The following PCDH9 variants were observed in gnomAD, a reference collection of about 807,000 sequenced individuals.
PCDH9 encodes protocadherin-9.
A neutral mutation model predicts 70.6 loss-of-function variants in PCDH9; 24 were observed. The ratio of observed to expected loss-of-function variants is 0.34; its 90% CI spans 0.25 to 0.48. PCDH9 has a LOEUF of 0.48. Ranked by LOEUF, PCDH9 falls within the 20% of genes least tolerant of loss-of-function variation. PCDH9 has a pLI of 0.99. For synonymous variants in PCDH9, 562 were observed against 558.5 expected (o/e 1.01, Z -0.09); for missense variants, 1,281 against 1,503.6 (o/e 0.85, Z 2.45).
chr13:66,895,159 T>A (rs1284995419), intron 3 of PCDH9, among the ~76,000 whole-genome samples: 1 of 152,168 alleles, frequency 6.6e-6, no homozygotes, highest in Non-Finnish European at 1.5e-5. Context: ...ATTTTGAAAT[T>A]AGAATAGGTA....
At chr13:66,345,974 A>G (rs1956206947) in intron 4 of PCDH9, among the ~76,000 whole-genome samples, 1 of 152,200 alleles carries the variant, frequency 6.6e-6, no homozygotes. Flanking sequence ...ATAAAACAGG[A>G]TATCTTTTTC....
In PCDH9 at chr13:66,304,934, A is replaced by T; in HGVS notation, c.3435T>A (p.Pro1145=). Residue 1145 remains proline, a synonymous_variant, in exon 5 of 5, where the codon CCT becomes CCA. Transcript: ENST00000377865. ...GGTGTTGATATGGACCCAAGCCAGG[A>T]GGCATCCAGCAATTATCAGAGTGAC... ...VLGHSDNCWM[P]PGLGPYQHPK... 6.2e-7 allele frequency: 1 copy of T among 1,613,544 alleles called. No homozygotes were observed. The highest frequency in any genetic ancestry group is 1.7e-5 in the Admixed American group (1 of 59,868).
intron 2 of PCDH9, among the ~76,000 whole-genome samples, chr13:67,139,575 T>C (rs2087321701): frequency 6.6e-6 from 1 of 152,252 alleles, no homozygotes; most frequent in Non-Finnish European, 1.5e-5. Context: ...TTGTAAGATT[T>C]CGAACATATC....
At chr13:66,983,804 C>A (rs2083828253) in intron 2 of PCDH9, among the ~76,000 whole-genome samples, 1 of 151,388 alleles carries the variant, frequency 6.6e-6, no homozygotes, top group African/African-American at 2.4e-5. Flanking sequence ...GCCTAGTACC[C>A]AATCGTTTTT....
intron 2 of PCDH9, among the ~76,000 whole-genome samples, chr13:67,164,924 T>C (rs2088068370): frequency 6.6e-6 from 1 of 152,186 alleles, no homozygotes. Context: ...CCTATGGAAA[T>C]GATCTTCCAC....
At chr13:67,065,164 T>G (rs1000705111) in intron 2 of PCDH9, among the ~76,000 whole-genome samples, 26 of 152,166 alleles carry the variant, frequency 1.7e-4, no homozygotes, top group Non-Finnish European at 2.9e-5. Context: ...ATGTTAATCA[T>G]GCATTCCATC....
chr13:67,097,992 C>T (rs1302579031), intron 2 of PCDH9, among the ~76,000 whole-genome samples: 5 of 152,156 alleles, frequency 3.3e-5, no homozygotes, highest in African/African-American at 1.2e-4. Flanking sequence ...CTTCAAAGAC[C>T]ATTCTTACAG....
At position 66,547,491 on chromosome 13, in the gene PCDH9, C is replaced by G. The variant is rs17081503; in HGVS notation, c.3340+83719G>C. On this transcript the variant is annotated intron_variant, in intron 4 of 4. Coordinates refer to ENST00000377865, the MANE Select transcript of PCDH9 (RefSeq NM_203487.3). ...CTGAACCATACAGTAGATTTTCTAA[C>G]GGGTGCAAAGGTGATTACGTTCTGC... 5.9e-5 allele frequency among the ~76,000 whole-genome samples: 9 copies of G among 151,974 alleles called. No individual in the cohort carries two copies. The South Asian group carries it at 1.9e-3, about 32-fold the overall frequency.
At chr13:66,796,061 A>G (rs1248100954) in intron 3 of PCDH9, among the ~76,000 whole-genome samples, 2 of 152,088 alleles carry the variant, frequency 1.3e-5, no homozygotes, top group Admixed American at 6.6e-5. Flanking sequence ...ATAGTTTAGG[A>G]TTTTGCTTAA....
At chr13:67,210,745 AAGAG>A (rs1328703224) in intron 2 of PCDH9, 1 of 152,044 alleles carries the variant, frequency 6.6e-6, no homozygotes, top group Non-Finnish European at 1.5e-5. Context: ...TGTAGCCAAA[AAGAG>A]AGAAAATAAT....
chr13:66,361,641 G>A (rs1349280297), intron 4 of PCDH9, among the ~76,000 whole-genome samples: 1 of 152,040 alleles, frequency 6.6e-6, no homozygotes, highest in African/African-American at 2.4e-5. Flanking sequence ...CAGGATGCCT[G>A]CCATGTTCAA....
At chr13:67,021,025 A>G (rs1375364223) in intron 2 of PCDH9, among the ~76,000 whole-genome samples, 1 of 152,216 alleles carries the variant, frequency 6.6e-6, no homozygotes, top group African/African-American at 2.4e-5. Context: ...ACATATTATA[A>G]TTTGGCATTT....
At chr13:67,201,480 C>A (rs1237731649) in intron 2 of PCDH9, 1 of 151,798 alleles carries the variant, frequency 6.6e-6, no homozygotes, top group African/African-American at 2.4e-5. Flanking sequence ...ACTTAAATTC[C>A]CATTCAACTT....
chr13:66,757,743 A>G (rs575369965), intron 3 of PCDH9, among the ~76,000 whole-genome samples: 5 of 152,264 alleles, frequency 3.3e-5, no homozygotes, highest in Admixed American at 3.3e-4. Context: ...CGATATCTTC[A>G]TATGCATGAG....
chr13:66,654,687 CTTG>C (rs1238799936), intron 3 of PCDH9, among the ~76,000 whole-genome samples: 1 of 151,796 alleles, frequency 6.6e-6, no homozygotes, highest in Non-Finnish European at 1.5e-5. Context: ...AACAGATATA[CTTG>C]TTGTTTGTTG....
At chr13:67,195,470 C>T (rs887319492) in intron 2 of PCDH9, among the ~76,000 whole-genome samples, 25 of 152,168 alleles carry the variant, frequency 1.6e-4, no homozygotes, top group African/African-American at 4.6e-4. Flanking sequence ...ACTGCTTAAT[C>T]TCTCTTCCTT....
chr13:67,206,158 AG>A (rs1227398005), intron 2 of PCDH9: 1 of 151,720 alleles, frequency 6.6e-6, no homozygotes, highest in Non-Finnish European at 1.5e-5. Context: ...ATACTGTTAA[AG>A]TTTTTTTTTT....
chr13:66,803,917 C>T (rs1325420246), intron 3 of PCDH9, among the ~76,000 whole-genome samples: 2 of 152,130 alleles, frequency 1.3e-5, no homozygotes, highest in African/African-American at 4.8e-5. Flanking sequence ...GTTAAGTGAT[C>T]TGTGTGATTT....
rs57735819 is a variant in PCDH9, at chr13:66,392,887, CTTT to C, written c.3341-87862_3341-87860del. On this transcript the variant is annotated intron_variant, in intron 4 of 4. Coordinates refer to ENST00000377865, the MANE Select transcript of PCDH9 (RefSeq NM_203487.3). The stretch of plus-strand genomic sequence containing the variant: ...AGTAGGGTAAAAACATGGGCATTTG[CTTT>C]TTTTTTTTTTTTTCTGAAGGTAACA... Among the ~76,000 whole-genome samples the C allele has an allele frequency of 1.8e-3, 230 of 130,598 alleles. 1 individual carries two copies. Among genetic ancestry groups the C allele is most frequent in the African/African-American group, 6.0e-3 (218 of 36,118 alleles). The allele number at this position is 130,598 out of a possible 152,430, so 85.7% of individuals were successfully genotyped here.
Sources: gnomAD v4.1 joint callset for allele counts (sites outside exome capture counted in the v4.1 genomes callset) on GRCh38, gnomAD v4.1.1 for gene constraint, MANE v1.5 for transcripts, NCBI Gene and HGNC (gene_info 2026-07-23, HGNC 2026-07-21) for gene names.